The following NT5C3A variants were observed in gnomAD, a reference collection of about 807,000 sequenced individuals.
NT5C3A encodes the protein 5'-nucleotidase, cytosolic IIIA, also known as cytosolic 5'-nucleotidase 3A.
Under a neutral mutation model 40.0 loss-of-function variants are expected in NT5C3A, and 23 were observed. That is an observed-to-expected ratio of 0.58 (90% CI 0.41 to 0.81). The LOEUF (loss-of-function observed/expected upper bound fraction) is 0.81, where lower values mean the gene tolerates loss of function less well. Ranked by LOEUF, NT5C3A falls within the 40% of genes least tolerant of loss-of-function variation. The pLI is 0.00. For synonymous variants in NT5C3A, 130 were observed against 141.4 expected, an observed-to-expected ratio of 0.92 and a Z score of 0.57; for missense variants, 328 against 403.0, an observed-to-expected ratio of 0.81 and a Z score of 1.59.
intron 1 of NT5C3A, among the ~76,000 whole-genome samples, chr7:33,051,101 A>C (rs564249509): frequency 2.0e-5 from 3 of 152,332 alleles, no homozygotes; most frequent in South Asian, 2.1e-4. Flanking sequence ...TTCTTTATAT[A>C]TCTCTCTCTT....
chr7:33,026,953 C>G (rs767490613), intron 1 of NT5C3A, 38 bp from the exon 2 acceptor site: 13 of 1,395,506 alleles, frequency 9.3e-6, no homozygotes, highest in Middle Eastern at 3.6e-4. Context: ...AGTTTTCATT[C>G]TTCTTTCCCC....
In NT5C3A at chr7:33,053,433, A is replaced by C. The variant is rs1583968442; in HGVS notation, c.138+9135T>G. Reference sequence around the variant, plus strand: ...GAACTCCTGACCTCAAGATCTGCCCACCTTGGCCTCCCAAAGTGCTGGGAT... The same window carrying C: ...GAACTCCTGACCTCAAGATCTGCCCCCCTTGGCCTCCCAAAGTGCTGGGAT... On this transcript the variant is annotated intron_variant, in intron 1 of 8. Coordinates refer to ENST00000610140, the MANE Select transcript of NT5C3A (RefSeq NM_001002010.5). 7.9e-5 allele frequency among the ~76,000 whole-genome samples: 12 copies of C among 152,056 alleles called. No homozygotes were observed. The South Asian group carries it at 2.5e-3, about 32-fold the overall frequency.
rs1785225845 is a variant in NT5C3A, at chr7:33,014,636, T to G, written c.*94A>C. On this transcript the variant is annotated 3_prime_UTR_variant, in exon 9 of 9. Coordinates refer to ENST00000610140, the MANE Select transcript of NT5C3A (RefSeq NM_001002010.5). ...TTATACAAAGGGAACACTTCGAGAG[T>G]AAGGATATATTATAAATAAGTCTCT... is the stretch of plus-strand genomic sequence containing the variant. The G allele has an allele frequency of 2.6e-6, 4 of 1,545,354 alleles. No individual in the cohort carries two copies. Among genetic ancestry groups the G allele is most frequent in the Non-Finnish European group, 3.5e-6 (4 of 1,137,180 alleles).
intron 5 of NT5C3A, 97 bp downstream of exon 5, chr7:33,021,171 CTGTT>C: frequency 6.8e-7 from 1 of 1,471,538 alleles, no homozygotes; most frequent in Admixed American, 2.0e-5. Flanking sequence ...ATTTATTAAT[CTGTT>C]TGTTTGCAAT....
At chr7:33,044,348 A>G (rs1787054918) in intron 1 of NT5C3A, among the ~76,000 whole-genome samples, 1 of 151,908 alleles carries the variant, frequency 6.6e-6, no homozygotes, top group South Asian at 2.1e-4. Context: ...CACTGAATCA[A>G]AGACACTGAA....
chr7:33,029,298 T>C (rs1312552524), intron 1 of NT5C3A: 1 of 185,524 alleles, frequency 5.4e-6, no homozygotes, highest in African/African-American at 2.4e-5. Context: ...ATTTACCATG[T>C]GTCTACTTTG....
chr7:33,028,490 T>C (rs1315678023), intron 1 of NT5C3A, among the ~76,000 whole-genome samples: 1 of 152,236 alleles, frequency 6.6e-6, no homozygotes, highest in African/African-American at 2.4e-5. Context: ...TAGGCAATAA[T>C]AGTACCTCAA....
At chr7:33,025,024 A>T (rs1785840680) in intron 2 of NT5C3A, among the ~76,000 whole-genome samples, 1 of 152,146 alleles carries the variant, frequency 6.6e-6, no homozygotes, top group Non-Finnish European at 1.5e-5. Context: ...CTGTAATCCC[A>T]GCTACTCAGG....
At chr7:33,045,723 C>G (rs1349804049) in intron 1 of NT5C3A, 1 of 151,982 alleles carries the variant, frequency 6.6e-6, no homozygotes, top group South Asian at 2.1e-4. Flanking sequence ...TCCCAAAGTG[C>G]TGGGATTACA....
chr7:33,057,578 T>C (rs930373782), intron 1 of NT5C3A, among the ~76,000 whole-genome samples: 1 of 152,010 alleles, frequency 6.6e-6, no homozygotes, highest in African/African-American at 2.4e-5. Flanking sequence ...CACAGTATGC[T>C]AAAGTTTTAA....
chr7:33,062,642 C>A lies in NT5C3A; in HGVS notation c.64G>T (p.Ala22Ser), dbSNP rs911615653. 4 of 1,600,878 alleles carry A rather than the reference C, an allele frequency of 2.5e-6. No homozygotes were observed. Among genetic ancestry groups the A allele is most frequent in the Non-Finnish European group, 3.4e-6 (4 of 1,174,674 alleles). The change falls in exon 1 of 9, where the codon GCG (alanine) becomes TCG (serine). Residue 22 changes from alanine to serine, a missense_variant. Ala to Ser is a moderately conservative substitution (Grantham distance 99, BLOSUM62 1). This residue lies in a region of NT5C3A where 280 missense variants were observed against 317.2 expected (regional missense o/e 0.88). Transcript: ENST00000610140. ...ATGTACTGAGCCAGCACCACCCCCG[C>A]CACCAGGGCGCACACGCTGGCGCTC... ...VASASVCALV[A>S]GVVLAQYIFT... is the part of the protein sequence containing the mutation.
At chr7:33,020,899 G>A (rs931214149) in intron 5 of NT5C3A, among the ~76,000 whole-genome samples, 1 of 151,668 alleles carries the variant, frequency 6.6e-6, no homozygotes, top group Non-Finnish European at 1.5e-5. Context: ...ACCAAAGGTC[G>A]ATTTTTGGGT....
chr7:33,057,889 G>A (rs1340974910), intron 1 of NT5C3A, among the ~76,000 whole-genome samples: 3 of 152,150 alleles, frequency 2.0e-5, no homozygotes, highest in Non-Finnish European at 4.4e-5. Context: ...CTTCCTCGTT[G>A]GTTTTTAGGG....
chr7:33,042,175 A>G (rs1786951547), intron 1 of NT5C3A, among the ~76,000 whole-genome samples: 1 of 152,080 alleles, frequency 6.6e-6, no homozygotes. Context: ...CATCTCTACC[A>G]AAAATACAAA....
chr7:33,052,247 GC>G (rs201685880), intron 1 of NT5C3A, among the ~76,000 whole-genome samples: 4,980 of 152,138 alleles, frequency 0.033, 128 homozygotes, highest in South Asian at 0.12. Context: ...ACTTTGGGAG[GC>G]TGAGGCAGGT....
At chr7:33,027,522 A>G (rs1173520168) in intron 1 of NT5C3A, among the ~76,000 whole-genome samples, 1 of 152,212 alleles carries the variant, frequency 6.6e-6, no homozygotes, top group Non-Finnish European at 1.5e-5. Flanking sequence ...TTACCACAGA[A>G]ATAACAGTAA....
At chr7:33,042,174 C>A (rs138161589) in intron 1 of NT5C3A, among the ~76,000 whole-genome samples, 6 of 151,562 alleles carry the variant, frequency 4.0e-5, no homozygotes, top group Admixed American at 1.3e-4. Context: ...CCATCTCTAC[C>A]AAAAATACAA....
At chr7:33,052,162 C>G (rs1787394576) in intron 1 of NT5C3A, among the ~76,000 whole-genome samples, 1 of 151,892 alleles carries the variant, frequency 6.6e-6, no homozygotes, top group Non-Finnish European at 1.5e-5. Context: ...TTGCCTTTTC[C>G]CCTTGTCACC....
At chr7:33,052,206 C>T (rs551677430) in intron 1 of NT5C3A, among the ~76,000 whole-genome samples, 6 of 151,840 alleles carry the variant, frequency 4.0e-5, no homozygotes, top group African/African-American at 9.7e-5. Context: ...TAACATAGCC[C>T]GGTACAGTGG....
Sources: allele counts gnomAD v4.1 joint callset (sites outside exome capture counted in the v4.1 genomes callset), GRCh38; gene constraint gnomAD v4.1.1; regional missense constraint gnomAD v4.1.1; transcripts MANE v1.5; gene names NCBI Gene and HGNC (gene_info 2026-07-23, HGNC 2026-07-21).